The following XKR4 variants were observed in gnomAD, a reference collection of about 807,000 sequenced individuals.
The protein encoded by XKR4 is XK related 4.
In XKR4, 12 loss-of-function variants were observed where a neutral mutation model predicts 53.9. The ratio of observed to expected loss-of-function variants is 0.22; its 90% CI spans 0.14 to 0.36. The LOEUF is 0.36. XKR4 is among the 10% of genes least tolerant of loss of function. The pLI is 1.00. For synonymous variants in XKR4, 354 were observed against 362.4 expected, an observed-to-expected ratio of 0.98 and a Z score of 0.26; for missense variants, 799 against 859.5, an observed-to-expected ratio of 0.93 and a Z score of 0.88.
Position 55,336,784 on chromosome 8 carries a change from G to C in XKR4, c.807-20894G>C, listed in dbSNP as rs188729557. On this transcript the variant is annotated intron_variant, in intron 1 of 2. Transcript: ENST00000327381. ...TTTAAATATTTGATTTACAATTTTG[G>C]GGGGTACACTACAATTCTCTATTAT... is the stretch of plus-strand genomic sequence containing the variant. Among the ~76,000 whole-genome samples the C allele has an allele frequency of 8.1e-4, 124 of 152,176 alleles. 1 individual carries two copies. The highest frequency in any genetic ancestry group is 2.3e-3 in the Admixed American group (35 of 15,270).
rs1173196260 is a variant in XKR4 at position 55,527,353 on chromosome 8, G to T, written c.*3126G>T. 1 of 152,196 alleles carries T rather than the reference G, an allele frequency of 6.6e-6. No individual in the cohort carries two copies. Among genetic ancestry groups the T allele is most frequent in the Non-Finnish European group, 1.5e-5 (1 of 68,026 alleles). 9.4% of individuals were successfully genotyped at this position (152,196 alleles called of 1,614,324 possible). On this transcript the variant is annotated 3_prime_UTR_variant, in exon 3 of 3. Coordinates refer to ENST00000327381, the MANE Select transcript of XKR4 (RefSeq NM_052898.2). ...TATCTGCAGGCTCCTTTCTGTGTCT[G>T]AGTCCACTTTGATTCCATTTAAGAG...
At chr8:55,195,856 A>AT (rs915606022) in intron 1 of XKR4, among the ~76,000 whole-genome samples, 8 of 152,268 alleles carry the variant, frequency 5.3e-5, no homozygotes, top group Admixed American at 2.6e-4. Flanking sequence ...GTATTTTCAC[A>AT]TTTTACCAAT....
At chr8:55,523,105 G>T (rs1254631274) in intron 2 of XKR4, among the ~76,000 whole-genome samples, 176 bp from the exon 3 acceptor site, 6 of 149,078 alleles carry the variant, frequency 4.0e-5, no homozygotes, top group African/African-American at 1.5e-4. Flanking sequence ...TGGTGCCACT[G>T]CACTCCAGTC....
At chr8:55,312,176 C>T (rs144163003) in intron 1 of XKR4, among the ~76,000 whole-genome samples, 2,712 of 140,398 alleles carry the variant, frequency 0.019, 62 homozygotes, top group African/African-American at 0.061. Flanking sequence ...CCTTTATTCA[C>T]TCTGACTCTG....
intron 2 of XKR4, among the ~76,000 whole-genome samples, chr8:55,461,639 A>G (rs536052521): frequency 1.4e-4 from 21 of 152,228 alleles, no homozygotes; most frequent in Non-Finnish European, 2.9e-4. Context: ...GATTTTGATG[A>G]GTTGAGAGAG....
chr8:55,310,902 G>A (rs776191547), intron 1 of XKR4, among the ~76,000 whole-genome samples: 12 of 152,150 alleles, frequency 7.9e-5, no homozygotes, highest in Non-Finnish European at 1.8e-4. Flanking sequence ...GGTGTTATAG[G>A]GTCAATCCTT....
At chr8:55,263,028 C>A (rs1457881836) in intron 1 of XKR4, among the ~76,000 whole-genome samples, 1 of 152,186 alleles carries the variant, frequency 6.6e-6, no homozygotes, top group Non-Finnish European at 1.5e-5. Context: ...CTGAGTCCTG[C>A]AGCTTTTTCT....
chr8:55,331,037 C>T (rs976945055), intron 1 of XKR4, among the ~76,000 whole-genome samples: 2 of 152,078 alleles, frequency 1.3e-5, no homozygotes, highest in Non-Finnish European at 2.9e-5. Context: ...AGTATATTCA[C>T]ACTATTGTGC....
intron 2 of XKR4, among the ~76,000 whole-genome samples, chr8:55,447,161 A>T (rs981213065): frequency 6.6e-6 from 1 of 152,214 alleles, no homozygotes; most frequent in African/African-American, 2.4e-5. Context: ...GACCTTTATG[A>T]TCTGCCAGCC....
Position 55,103,034 on chromosome 8 carries a change from C to G in XKR4, c.546C>G (p.Ala182=), listed in dbSNP as rs1423749682. 2 of 1,612,684 alleles carry G rather than the reference C, an allele frequency of 1.2e-6. No individual in the cohort carries two copies. Among genetic ancestry groups the G allele is most frequent in the Non-Finnish European group, 1.7e-6 (2 of 1,179,780 alleles). ...AGGACAGCGCCACGGCCGCTGCTGC[C>G]TCCAGCTGCCCGCAGCCTGGAGCCG... ...STEDSATAAA[A]SSCPQPGADC... is the part of the protein sequence containing the mutation. The change falls in exon 1 of 3, where the codon GCC becomes GCG. Residue 182 remains alanine, a synonymous_variant. Coordinates refer to ENST00000327381, the MANE Select transcript of XKR4 (RefSeq NM_052898.2).
chr8:55,186,398 GT>G (rs1817377137), intron 1 of XKR4, among the ~76,000 whole-genome samples: 2 of 152,178 alleles, frequency 1.3e-5, no homozygotes, highest in African/African-American at 4.8e-5. Context: ...GCTCATGCCT[GT>G]AATTGCAGCA....
rs143428225 is a variant in XKR4, at chr8:55,472,030, A to G, written c.1007-51251A>G. Among the ~76,000 whole-genome samples, 52 of 152,294 alleles carry G rather than the reference A, an allele frequency of 3.4e-4. 1 individual carries two copies. Among genetic ancestry groups the G allele is most frequent in the African/African-American group, 1.2e-3 (51 of 41,530 alleles). Reference sequence around the variant, plus strand: ...GTGCATACAGGAGAATAAATCTAGGATAACTCCTGGTGGGTTGATGAATAA... The same window carrying G: ...GTGCATACAGGAGAATAAATCTAGGGTAACTCCTGGTGGGTTGATGAATAA... On this transcript the variant is annotated intron_variant, in intron 2 of 2. Coordinates refer to ENST00000327381, the MANE Select transcript of XKR4 (RefSeq NM_052898.2).
intron 1 of XKR4, among the ~76,000 whole-genome samples, chr8:55,283,372 T>G (rs924460704): frequency 1.3e-5 from 2 of 152,392 alleles, no homozygotes; most frequent in Admixed American, 6.5e-5. Flanking sequence ...CCAGCTGCTC[T>G]GTGGCCCAAG....
chr8:55,458,627 G>C (rs1038264654), intron 2 of XKR4, among the ~76,000 whole-genome samples: 1 of 152,176 alleles, frequency 6.6e-6, no homozygotes, highest in African/African-American at 2.4e-5. Flanking sequence ...CAGTGGGATG[G>C]GGAGCTGGAA....
At chr8:55,458,454 T>A (rs1243111122) in intron 2 of XKR4, among the ~76,000 whole-genome samples, 9 of 152,226 alleles carry the variant, frequency 5.9e-5, no homozygotes. Flanking sequence ...AGTTTTGCTA[T>A]CCGTGGATGG....
At chr8:55,452,086 G>T in intron 2 of XKR4, 1 of 704,174 alleles carries the variant, frequency 1.4e-6, no homozygotes, top group Non-Finnish European at 2.6e-6. Context: ...GGCTGGCCGG[G>T]TGTGTAGGTA....
chr8:55,424,532 A>G (rs2129392815), intron 2 of XKR4, among the ~76,000 whole-genome samples: 1 of 152,334 alleles, frequency 6.6e-6, no homozygotes, highest in Middle Eastern at 3.4e-3. Context: ...GGCATCTAAT[A>G]AAAGGCACTG....
chr8:55,314,135 A>C (rs947600409), intron 1 of XKR4, among the ~76,000 whole-genome samples: 1 of 152,196 alleles, frequency 6.6e-6, no homozygotes, highest in African/African-American at 2.4e-5. Flanking sequence ...CCTTTGGTTA[A>C]AATTCTTCTA....
At chr8:55,230,086 C>A (rs1818010643) in intron 1 of XKR4, among the ~76,000 whole-genome samples, 1 of 152,112 alleles carries the variant, frequency 6.6e-6, no homozygotes, top group South Asian at 2.1e-4. Flanking sequence ...CCATTTTCTT[C>A]CCACTGAAGT....
Sources: gnomAD v4.1 joint callset for allele counts (sites outside exome capture counted in the v4.1 genomes callset) on GRCh38, gnomAD v4.1.1 for gene constraint, MANE v1.5 for transcripts, NCBI Gene and HGNC (gene_info 2026-07-23, HGNC 2026-07-21) for gene names.